Variants in CORIN observed in about 807,000 individuals in gnomAD.
The protein encoded by CORIN is atrial natriuretic peptide-converting enzyme.
Under a neutral mutation model 125.3 loss-of-function variants are expected in CORIN, and 117 were observed. The ratio of observed to expected loss-of-function variants is 0.93; its 90% CI spans 0.80 to 1.09. The LOEUF (loss-of-function observed/expected upper bound fraction) is 1.09. Ranked by LOEUF, CORIN falls within the 50% of genes least tolerant of loss-of-function variation. The pLI is 0.00. For synonymous variants in CORIN, 450 were observed against 466.4 expected, an observed-to-expected ratio of 0.96 and a Z score of 0.45; for missense variants, 1,253 against 1,306.7, an observed-to-expected ratio of 0.96 and a Z score of 0.63.
chr4:47,739,067 C>T (rs1326870700), intron 5 of CORIN, among the ~76,000 whole-genome samples: 2 of 151,788 alleles, frequency 1.3e-5, no homozygotes, highest in African/African-American at 4.8e-5. Flanking sequence ...TCCTTAATGA[C>T]TTGGAGGATG....
rs751670336 is a variant in CORIN, at chr4:47,653,550, T to C, written c.1843+3A>G. On this transcript the variant is annotated splice_donor_region_variant and intron_variant, in intron 13 of 21. Coordinates refer to ENST00000273857, the MANE Select transcript of CORIN (RefSeq NM_006587.4). ...CAAGAAAAGTACCATTGCACATACA[T>C]ACCACAGTTTTCCTCATCACTGTCA... 17 of 1,610,812 alleles carry C rather than the reference T, an allele frequency of 1.1e-5. No homozygotes were observed. Among genetic ancestry groups the C allele is most frequent in the Admixed American group, 5.0e-5 (3 of 60,002 alleles).
chr4:47,767,962 C>A (rs1270843938), intron 3 of CORIN, among the ~76,000 whole-genome samples: 1 of 152,308 alleles, frequency 6.6e-6, no homozygotes, highest in Admixed American at 6.5e-5. Context: ...CATCATATCC[C>A]CTGTGACCTG....
At chr4:47,655,291 G>T (rs958947503) in intron 12 of CORIN, among the ~76,000 whole-genome samples, 4 of 152,150 alleles carry the variant, frequency 2.6e-5, no homozygotes, top group Admixed American at 6.5e-5. Context: ...GAGAACAGGA[G>T]AGGGAAGAGT....
chr4:47,741,366 G>T (rs1728388230), intron 5 of CORIN, among the ~76,000 whole-genome samples: 1 of 151,994 alleles, frequency 6.6e-6, no homozygotes, highest in Non-Finnish European at 1.5e-5. Flanking sequence ...TTAGCAAACT[G>T]CAAATCAAAA....
intron 19 of CORIN, among the ~76,000 whole-genome samples, chr4:47,611,808 T>A (rs1721882069): frequency 6.6e-6 from 1 of 152,186 alleles, no homozygotes; most frequent in African/African-American, 2.4e-5. Flanking sequence ...TATGAAGGGA[T>A]GTTGAATTTT....
chr4:47,834,730 T>C (rs1225569262), intron 1 of CORIN, among the ~76,000 whole-genome samples: 2 of 152,188 alleles, frequency 1.3e-5, no homozygotes, highest in Admixed American at 1.3e-4. Context: ...TCCAAACCTA[T>C]CACATTGTTT....
At chr4:47,757,886 A>ATATATATATATATATATATG (rs1729246561) in intron 4 of CORIN, among the ~76,000 whole-genome samples, 1 of 142,646 alleles carries the variant, frequency 7.0e-6, no homozygotes. Context: ...ATGTATATAT[A>ATATATATATATATATATATG]TATATATATA....
chr4:47,766,308 T>G (rs1423822180), intron 3 of CORIN, among the ~76,000 whole-genome samples: 8 of 152,184 alleles, frequency 5.3e-5, no homozygotes, highest in Non-Finnish European at 1.0e-4. Flanking sequence ...GCCAGAAACA[T>G]AGGCTCTTTA....
intron 16 of CORIN, among the ~76,000 whole-genome samples, chr4:47,627,102 C>T (rs573233471): frequency 2.6e-5 from 4 of 151,548 alleles, no homozygotes; most frequent in Non-Finnish European, 4.4e-5. Flanking sequence ...CCTGCCTCAG[C>T]CTCCCAAGTA....
intron 3 of CORIN, among the ~76,000 whole-genome samples, chr4:47,770,307 T>C (rs1036590863): frequency 6.6e-6 from 1 of 152,094 alleles, no homozygotes; most frequent in South Asian, 2.1e-4. Context: ...TAATGAGCTA[T>C]TACCTCATAC....
At chr4:47,744,356 A>G (rs61762928) in intron 5 of CORIN, 46 bp downstream of exon 5, 2 of 1,535,604 alleles carry the variant, frequency 1.3e-6, no homozygotes, top group Non-Finnish European at 1.8e-6. Context: ...TAAATGGCAT[A>G]CTCAAATAAA....
chr4:47,676,330 C>T (rs947728494), intron 9 of CORIN, among the ~76,000 whole-genome samples: 30 of 152,148 alleles, frequency 2.0e-4, no homozygotes, highest in Admixed American at 7.2e-4. Context: ...TTTGGTCAAG[C>T]GGTGCCTTGT....
chr4:47,768,122 C>G (rs1672961341), intron 3 of CORIN, among the ~76,000 whole-genome samples: 1 of 152,186 alleles, frequency 6.6e-6, no homozygotes, highest in Non-Finnish European at 1.5e-5. Context: ...CACCTTGTGA[C>G]CCCCATCCCT....
At position 47,744,550 on chromosome 4, in the gene CORIN, C is replaced by T. The variant is rs1315720573; in HGVS notation, c.651G>A (p.Glu217=). ...HGLLPCRSFC[E]AAKEGCESVL... ...CTGATTCACAGCCTTCTTTTGCAGCCTCACAGAAGGACCTACAGGGCAGGA... is the reference window on the plus strand; with the variant it reads ...CTGATTCACAGCCTTCTTTTGCAGCTTCACAGAAGGACCTACAGGGCAGGA... The change falls in exon 5 of 22, where the codon GAG becomes GAA. Residue 217 remains glutamate (E), a synonymous_variant. Transcript: ENST00000273857. 6.2e-7 allele frequency: 1 copy of T among 1,611,508 alleles called. No homozygotes were observed. Among genetic ancestry groups the T allele is most frequent in the Non-Finnish European group, 8.5e-7 (1 of 1,179,024 alleles).
intron 21 of CORIN, among the ~76,000 whole-genome samples, chr4:47,598,162 T>C (rs1445825850): frequency 1.3e-5 from 2 of 152,224 alleles, no homozygotes; most frequent in East Asian, 3.8e-4. Context: ...CCAACATTTA[T>C]ATTTGGCTTC....
Position 47,837,810 on chromosome 4 carries a change from G to T in CORIN, c.63+77C>A, listed in dbSNP as rs1733526446. 5 of 1,298,764 alleles carry T rather than the reference G, an allele frequency of 3.8e-6. No homozygotes were observed. In the East Asian group the frequency reaches 1.2e-4, roughly 30 times the overall value. The allele number at this position is 1,298,764 out of a possible 1,614,324, so 80.5% of individuals were successfully genotyped here. Reference sequence around the variant, plus strand: ...GGCGGAGGAGAGGACGGGGGCGGGAGGGGCTGACCCTGAATTCACCGGGAC... The same window carrying T: ...GGCGGAGGAGAGGACGGGGGCGGGATGGGCTGACCCTGAATTCACCGGGAC... On this transcript the variant is annotated intron_variant, in intron 1 of 21. Transcript: ENST00000273857.
rs982157686 is a variant in CORIN at position 47,600,314 on chromosome 4, A to T, written c.2846T>A (p.Ile949Asn). The change falls in exon 21 of 22, where the codon ATT (isoleucine) becomes AAT (asparagine). Residue 949 changes from isoleucine to asparagine, a missense_variant. Coordinates refer to ENST00000273857, the MANE Select transcript of CORIN (RefSeq NM_006587.4). ...GGACTGACAATGTTCCAGAGAAATA[A>T]TGCGGACCTCTCCCTCTTGCAGCTT... ...PFKLQEGEVRIISLEHCQSYF... is the reference protein window; with the variant it reads ...PFKLQEGEVRNISLEHCQSYF... 6.2e-7 allele frequency: 1 copy of T among 1,613,352 alleles called. No homozygotes were observed. Among genetic ancestry groups the T allele is most frequent in the African/African-American group, 1.3e-5 (1 of 75,006 alleles).
Position 47,603,677 on chromosome 4 carries a change from A to T in CORIN, c.2541-9T>A. On this transcript the variant is annotated splice_polypyrimidine_tract_variant and intron_variant, in intron 19 of 21. Coordinates refer to ENST00000273857, the MANE Select transcript of CORIN (RefSeq NM_006587.4). ...CTGCAGCATTCTCTCTCCTAAAATT[A>T]TAATTCAAGAGCTATTGGCATCTTA... 1 of 1,609,758 alleles carries T rather than the reference A, an allele frequency of 6.2e-7. No individual in the cohort carries two copies. Among genetic ancestry groups the T allele is most frequent in the Non-Finnish European group, 8.5e-7 (1 of 1,176,368 alleles).
intron 5 of CORIN, among the ~76,000 whole-genome samples, chr4:47,703,950 C>G (rs748708174): frequency 1.1e-4 from 16 of 152,142 alleles, no homozygotes; most frequent in African/African-American, 3.9e-4. Flanking sequence ...CATCTAGGAA[C>G]AGAATTATTT....
Sources: gnomAD v4.1 joint callset for allele counts (sites outside exome capture counted in the v4.1 genomes callset) on GRCh38, gnomAD v4.1.1 for gene constraint, MANE v1.5 for transcripts, NCBI Gene and HGNC (gene_info 2026-07-23, HGNC 2026-07-21) for gene names.